The following MTREX variants were observed in gnomAD, a reference collection of about 807,000 sequenced individuals.
MTREX encodes Mtr4 exosome RNA helicase.
A neutral mutation model predicts 135.4 loss-of-function variants in MTREX; 76 were observed. That is an observed-to-expected ratio of 0.56 (90% CI 0.47 to 0.68). The LOEUF (loss-of-function observed/expected upper bound fraction) is 0.68. Ranked by LOEUF, MTREX falls within the 30% of genes least tolerant of loss-of-function variation. MTREX has a pLI of 0.00. For synonymous variants in MTREX, 404 were observed against 401.6 expected (o/e 1.01, Z -0.07); for missense variants, 920 against 1,262.1 (o/e 0.73, Z 4.11).
At chr5:55,367,386 T>G (rs1750122021) in intron 16 of MTREX, among the ~76,000 whole-genome samples, 1 of 151,430 alleles carries the variant, frequency 6.6e-6, no homozygotes, top group African/African-American at 2.4e-5. Flanking sequence ...CTTGGGAGGC[T>G]GAGGCAGGAG....
chr5:55,316,017 C>T lies in MTREX; in HGVS notation c.135-6310C>T, dbSNP rs115412129. Among the ~76,000 whole-genome samples the T allele has an allele frequency of 3.6e-3, 545 of 152,204 alleles. 2 individuals are homozygous for T. Among genetic ancestry groups the T allele is most frequent in the African/African-American group, 0.012 (500 of 41,520 alleles). On this transcript the variant is annotated intron_variant, in intron 1 of 26. Coordinates refer to ENST00000230640, the MANE Select transcript of MTREX (RefSeq NM_015360.5). Reference sequence around the variant, plus strand: ...AAACTATTATGAACACCTCTACACACACAAACTAGAAAACCTACAAGAGGT... The same window carrying T: ...AAACTATTATGAACACCTCTACACATACAAACTAGAAAACCTACAAGAGGT...
At chr5:55,420,339 A>C (rs942485617) in intron 25 of MTREX, among the ~76,000 whole-genome samples, 2 of 152,196 alleles carry the variant, frequency 1.3e-5, no homozygotes, top group Non-Finnish European at 2.9e-5. Flanking sequence ...AATGAGAATG[A>C]TGCTGTTTTG....
chr5:55,334,909 TGAG>T (rs1282159919), intron 5 of MTREX, among the ~76,000 whole-genome samples: 1 of 152,076 alleles, frequency 6.6e-6, no homozygotes, highest in South Asian at 2.1e-4. Context: ...ATTTAACTGT[TGAG>T]GAGACTGCTG....
At chr5:55,323,217 A>G (rs1285884626) in intron 2 of MTREX, among the ~76,000 whole-genome samples, 1 of 152,202 alleles carries the variant, frequency 6.6e-6, no homozygotes, top group African/African-American at 2.4e-5. Context: ...ACAAAATAAT[A>G]TTTGTAGTTT....
intron 20 of MTREX, among the ~76,000 whole-genome samples, chr5:55,399,908 T>A (rs753458620): frequency 6.6e-6 from 1 of 152,232 alleles, no homozygotes; most frequent in Non-Finnish European, 1.5e-5. Flanking sequence ...TTACTTTTGA[T>A]GGCAAGAAGT....
chr5:55,401,857 C>T (rs1375590439), intron 21 of MTREX, among the ~76,000 whole-genome samples: 1 of 152,110 alleles, frequency 6.6e-6, no homozygotes, highest in Non-Finnish European at 1.5e-5. Context: ...TTATACTATA[C>T]AAATCTCCTT....
chr5:55,379,211 TA>T lies in MTREX; in HGVS notation c.2052+19del. The T allele has an allele frequency of 6.9e-7, 1 of 1,446,492 alleles. No homozygotes were observed. Among genetic ancestry groups the T allele is most frequent in the Non-Finnish European group, 9.7e-7 (1 of 1,033,770 alleles). The allele number at this position is 1,446,492 out of a possible 1,614,324, so 89.6% of individuals were successfully genotyped here. On this transcript the variant is annotated intron_variant, in intron 18 of 26. Transcript: ENST00000230640. Reference sequence around the variant, plus strand: ...AAATGTTAAGGTAAACTATTATCTTTAAATTAGAATTGTATATCAATTTTTA... The same window carrying T: ...AAATGTTAAGGTAAACTATTATCTTTAATTAGAATTGTATATCAATTTTTA...
chr5:55,308,063 C>G lies in MTREX; in HGVS notation c.50C>G (p.Ser17Trp). 1.2e-6 allele frequency: 2 copies of G among 1,613,924 alleles called. No individual in the cohort carries two copies. The highest frequency in any genetic ancestry group is 1.7e-6 in the Non-Finnish European group (2 of 1,179,988). The change falls in exon 1 of 27, where the codon TCG becomes TGG. Residue 17 changes from serine to tryptophan, a missense_variant. By Grantham distance (177) the Ser-to-Trp change is radical. Coordinates refer to ENST00000230640, the MANE Select transcript of MTREX (RefSeq NM_015360.5). ...DELFSVFEGD[S>W]TTAAGTKKDK... ...CTGTTCAGCGTGTTCGAGGGCGACT[C>G]GACCACTGCGGCGGGAACCAAAAAA...
At chr5:55,344,133 T>A (rs1749693324) in intron 8 of MTREX, among the ~76,000 whole-genome samples, 1 of 152,188 alleles carries the variant, frequency 6.6e-6, no homozygotes, top group Non-Finnish European at 1.5e-5. Context: ...TGCTGCTTTA[T>A]ACTAAGGTTT....
chr5:55,312,673 A>AG (rs1485102979), intron 1 of MTREX, among the ~76,000 whole-genome samples: 1 of 152,174 alleles, frequency 6.6e-6, no homozygotes, highest in Non-Finnish European at 1.5e-5. Flanking sequence ...CTGGCTGAAT[A>AG]GTATTCTGTT....
At chr5:55,396,534 T>G (rs1346785510) in intron 19 of MTREX, among the ~76,000 whole-genome samples, 1 of 152,142 alleles carries the variant, frequency 6.6e-6, no homozygotes, top group Non-Finnish European at 1.5e-5. Flanking sequence ...CCAAAAACTT[T>G]AACTAGAAAG....
At chr5:55,321,670 G>T (rs570206118) in intron 1 of MTREX, among the ~76,000 whole-genome samples, 1 of 146,646 alleles carries the variant, frequency 6.8e-6, no homozygotes, top group South Asian at 2.1e-4. Context: ...GTGCAGTGGC[G>T]TGATCTCAGC....
chr5:55,314,547 T>C (rs574552116), intron 1 of MTREX, among the ~76,000 whole-genome samples: 4 of 152,156 alleles, frequency 2.6e-5, no homozygotes, highest in Admixed American at 6.5e-5. Context: ...AGCCGGAAAA[T>C]GTGGGTGATC....
chr5:55,317,045 C>T (rs1454972494), intron 1 of MTREX, among the ~76,000 whole-genome samples: 1 of 151,892 alleles, frequency 6.6e-6, no homozygotes, highest in Admixed American at 6.6e-5. Flanking sequence ...CACCTCCCCC[C>T]TCCCACACAC....
At chr5:55,364,883 A>G (rs1366802729) in intron 15 of MTREX, among the ~76,000 whole-genome samples, 1 of 152,244 alleles carries the variant, frequency 6.6e-6, no homozygotes, top group East Asian at 1.9e-4. Flanking sequence ...GTTGGTCAGA[A>G]ATGAGGAAGA....
chr5:55,419,297 T>C (rs1282767487), intron 25 of MTREX, among the ~76,000 whole-genome samples: 1 of 152,248 alleles, frequency 6.6e-6, no homozygotes, highest in Non-Finnish European at 1.5e-5. Flanking sequence ...CTTAATTTTC[T>C]TTTCATATGA....
chr5:55,348,199 C>T (rs779914351), intron 11 of MTREX, among the ~76,000 whole-genome samples: 3 of 152,124 alleles, frequency 2.0e-5, no homozygotes, highest in Non-Finnish European at 4.4e-5. Flanking sequence ...TGGAATCCCA[C>T]GGCTGAAGAC....
At chr5:55,399,111 C>T (rs1170064968) in intron 20 of MTREX, among the ~76,000 whole-genome samples, 5 of 152,176 alleles carry the variant, frequency 3.3e-5, no homozygotes, top group South Asian at 2.1e-4. Context: ...TGGCCAGGCT[C>T]GTGTAGGATT....
intron 8 of MTREX, 55 bp from the exon 9 acceptor site, chr5:55,344,467 A>G: frequency 8.7e-7 from 1 of 1,143,078 alleles, no homozygotes; most frequent in African/African-American, 1.5e-5. Flanking sequence ...GGACTAAGAT[A>G]CAGTTTTATT....
Sources: allele counts gnomAD v4.1 joint callset (sites outside exome capture counted in the v4.1 genomes callset), GRCh38; gene constraint gnomAD v4.1.1; transcripts MANE v1.5; gene names NCBI Gene and HGNC (gene_info 2026-07-23, HGNC 2026-07-21).